Variants in RPGRIP1 observed in about 807,000 individuals in gnomAD.
The protein encoded by RPGRIP1 is X-linked retinitis pigmentosa GTPase regulator-interacting protein 1.
RPGRIP1 carries 128 observed loss-of-function variants against 157.9 expected under a neutral mutation model. That is an observed-to-expected ratio of 0.81 (90% CI 0.70 to 0.94). The LOEUF (loss-of-function observed/expected upper bound fraction) is 0.94, where lower values mean the gene tolerates loss of function less well. Ranked by LOEUF, RPGRIP1 falls within the 40% of genes least tolerant of loss-of-function variation. The pLI is 0.00. For synonymous variants in RPGRIP1, 554 were observed against 571.6 expected, an observed-to-expected ratio of 0.97 and a Z score of 0.44; for missense variants, 1,486 against 1,545.8, an observed-to-expected ratio of 0.96 and a Z score of 0.65.
chr14:21,313,629 A>G (rs1881637125), intron 10 of RPGRIP1, among the ~76,000 whole-genome samples: 1 of 152,002 alleles, frequency 6.6e-6, no homozygotes, highest in African/African-American at 2.4e-5. Flanking sequence ...GTCTACTAAA[A>G]ATACAAAAAT....
chr14:21,323,628 C>A (rs537492966), intron 14 of RPGRIP1, among the ~76,000 whole-genome samples: 44 of 151,904 alleles, frequency 2.9e-4, no homozygotes, highest in African/African-American at 1.1e-3. Context: ...GAGAATTGAC[C>A]GTTCCTATCC....
intron 3 of RPGRIP1, among the ~76,000 whole-genome samples, chr14:21,297,834 A>ATTTTCTCTTTCTTTCTTTCT (rs146421534): frequency 7.5e-6 from 1 of 133,216 alleles, no homozygotes; most frequent in African/African-American, 3.1e-5. Flanking sequence ...TCAATAAATT[A>ATTTTCTCTTTCTTTCTTTCT]TTCTTTCTTT....
chr14:21,298,494 G>A (rs557265891), intron 3 of RPGRIP1, among the ~76,000 whole-genome samples: 6 of 151,900 alleles, frequency 3.9e-5, no homozygotes, highest in Non-Finnish European at 7.4e-5. Flanking sequence ...AGTGAGATTC[G>A]GTCTCAAAAC....
rs745981313 is a variant in RPGRIP1, at chr14:21,348,241, A to G, written c.3687A>G (p.Ala1229=). 2.5e-6 allele frequency: 4 copies of G among 1,592,248 alleles called. No individual in the cohort carries two copies. Among genetic ancestry groups the G allele is most frequent in the Non-Finnish European group, 2.6e-6 (3 of 1,168,000 alleles). ...AAGAATGTGAAGAAGTGGGATATGC[A>G]TATCTTCAACTGTGGCAGATCCTGG... ...EKKECEEVGY[A]YLQLWQILES... The change falls in exon 24 of 25, where the codon GCA becomes GCG. Residue 1229 remains alanine, a synonymous_variant. Coordinates refer to ENST00000400017, the MANE Select transcript of RPGRIP1 (RefSeq NM_020366.4).
Position 21,321,253 on chromosome 14 carries a change from C to G in RPGRIP1, c.1468-6C>G. On this transcript the variant is annotated splice_region_variant and splice_polypyrimidine_tract_variant and intron_variant, in intron 12 of 24. Coordinates refer to ENST00000400017, the MANE Select transcript of RPGRIP1 (RefSeq NM_020366.4). ...CTCCCTTTTACCAATGCGTTTCCCTCTACAGCCAAGTGAACCCAAAAACCA... is the reference window on the plus strand; with the variant it reads ...CTCCCTTTTACCAATGCGTTTCCCTGTACAGCCAAGTGAACCCAAAAACCA... 3 of 1,611,290 alleles carry G rather than the reference C, an allele frequency of 1.9e-6. No homozygotes were observed. The highest frequency in any genetic ancestry group is 2.5e-6 in the Non-Finnish European group (3 of 1,179,092).
intron 10 of RPGRIP1, among the ~76,000 whole-genome samples, chr14:21,315,351 C>CA (rs1363499012): frequency 6.6e-6 from 1 of 151,288 alleles, no homozygotes; most frequent in Non-Finnish European, 1.5e-5. Flanking sequence ...ACTAAAAATA[C>CA]AAAAAATTAG....
intron 1 of RPGRIP1, among the ~76,000 whole-genome samples, chr14:21,282,929 C>T (rs1328639482): frequency 6.6e-6 from 1 of 151,978 alleles, no homozygotes; most frequent in African/African-American, 2.4e-5. Flanking sequence ...CTTTTTCATT[C>T]CTGAGAAATT....
rs368426313 is a variant in RPGRIP1 at position 21,326,114 on chromosome 14, C to T, written c.2651C>T (p.Ser884Leu). 3.1e-5 allele frequency: 49 copies of T among 1,605,752 alleles called. No individual in the cohort carries two copies. In the African/African-American group the frequency reaches 4.3e-4, roughly 14 times the overall value. ...GATGATGAAGACTTAGAGCCTGGCT[C>T]GTATCTTGGCCGAGCCCGAGTGCCT... ...VFDDEDLEPG[S>L]YLGRARVPLL... The change falls in exon 17 of 25, where the codon TCG becomes TTG. Residue 884 changes from serine (S) to leucine (L), a missense_variant. By Grantham distance (145) the Ser-to-Leu change is moderately radical. Coordinates refer to ENST00000400017, the MANE Select transcript of RPGRIP1 (RefSeq NM_020366.4).
intron 14 of RPGRIP1, chr14:21,323,892 ACT>A (rs1882769575): frequency 1.3e-5 from 2 of 153,770 alleles, no homozygotes; most frequent in South Asian, 4.0e-4. Flanking sequence ...CACTGTGTTG[ACT>A]CAAATATTCC....
chr14:21,320,595 C>CTTTTTT (rs34911429), intron 12 of RPGRIP1, among the ~76,000 whole-genome samples: 2 of 95,170 alleles, frequency 2.1e-5, no homozygotes, highest in Non-Finnish European at 4.0e-5. Context: ...CCGGCCCACT[C>CTTTTTT]TTTTTTTTTT....
intron 8 of RPGRIP1, 137 bp from the exon 9 acceptor site, chr14:21,311,687 C>G: frequency 1.8e-6 from 1 of 563,116 alleles, no homozygotes; most frequent in Non-Finnish European, 2.9e-6. Context: ...GGTTAACGAA[C>G]AGTACAAAGG....
chr14:21,302,404 C>G, intron 4 of RPGRIP1, 84 bp from the exon 5 acceptor site: 1 of 670,670 alleles, frequency 1.5e-6, no homozygotes, highest in Non-Finnish European at 2.3e-6. Flanking sequence ...GACTCTATGC[C>G]CAGCCCTTCA....
intron 20 of RPGRIP1, among the ~76,000 whole-genome samples, chr14:21,330,844 G>A (rs1594232200): frequency 6.6e-6 from 1 of 152,076 alleles, no homozygotes; most frequent in Non-Finnish European, 1.5e-5. Flanking sequence ...ACCAAGGCTG[G>A]AATTCTTAAA....
At position 21,294,702 on chromosome 14, in the gene RPGRIP1, C is replaced by T. The variant is rs758465870; in HGVS notation, c.111C>T (p.Pro37=). The change falls in exon 3 of 25, where the codon CCC becomes CCT. Residue 37 remains proline, a synonymous_variant. Transcript: ENST00000400017. ...GTAAGAATATGAAAACTCAACCACC[C>T]TTGAGCAGGATGAACCGGGAGGAAT... ...SKGKNMKTQP[P]LSRMNREELE... 6.2e-7 allele frequency: 1 copy of T among 1,613,608 alleles called. No homozygotes were observed. The highest frequency in any genetic ancestry group is 2.2e-5 in the East Asian group (1 of 44,876).
chr14:21,347,521 T>C (rs770810594), intron 23 of RPGRIP1, among the ~76,000 whole-genome samples: 2 of 148,904 alleles, frequency 1.3e-5, no homozygotes, highest in Non-Finnish European at 3.0e-5. Flanking sequence ...TTTGTTTCAG[T>C]TTAATCATAT....
intron 21 of RPGRIP1, among the ~76,000 whole-genome samples, chr14:21,335,452 A>G (rs1884247114): frequency 6.6e-6 from 1 of 151,822 alleles, no homozygotes; most frequent in African/African-American, 2.4e-5. Context: ...GCTGTTTTTT[A>G]CTCAACCTGT....
chr14:21,332,890 T>A (rs1026949829), intron 20 of RPGRIP1, among the ~76,000 whole-genome samples: 9 of 152,124 alleles, frequency 5.9e-5, no homozygotes, highest in Admixed American at 1.3e-4. Context: ...GCAGATCACC[T>A]GTCAGGAGCT....
chr14:21,315,514 A>AAC (rs1881741258), intron 10 of RPGRIP1, among the ~76,000 whole-genome samples: 1 of 130,810 alleles, frequency 7.6e-6, no homozygotes, highest in South Asian at 2.7e-4. Flanking sequence ...CTCAAAAAAA[A>AAC]AAAAAACAAA....
At chr14:21,307,063 C>T (rs1480770990) in intron 6 of RPGRIP1, among the ~76,000 whole-genome samples, 3 of 151,640 alleles carry the variant, frequency 2.0e-5, no homozygotes, top group Non-Finnish European at 4.4e-5. Flanking sequence ...CCTGAGCCAC[C>T]GCACTCGGCC....
Sources: allele counts gnomAD v4.1 joint callset (sites outside exome capture counted in the v4.1 genomes callset), GRCh38; gene constraint gnomAD v4.1.1; transcripts MANE v1.5; gene names NCBI Gene and HGNC (gene_info 2026-07-23, HGNC 2026-07-21).